Variants in HERC1 observed in about 807,000 individuals in gnomAD.
HERC1 encodes probable E3 ubiquitin-protein ligase HERC1.
A neutral mutation model predicts 554.3 loss-of-function variants in HERC1; 160 were observed. The ratio of observed to expected loss-of-function variants is 0.29; its 90% confidence interval spans 0.25 to 0.33. HERC1 has a LOEUF of 0.33. Ranked by LOEUF, HERC1 falls within the 10% of genes least tolerant of loss-of-function variation. The probability of loss-of-function intolerance (pLI) is 1.00; values close to 1 mark genes in which losing one functional copy is unlikely to be tolerated. For missense variants in HERC1, 4,919 were observed against 5,918.5 expected (o/e 0.83, Z 5.54); for synonymous variants, 2,175 against 2,131.7 (o/e 1.02, Z -0.56).
intron 19 of HERC1, among the ~76,000 whole-genome samples, chr15:63,721,877 T>C (rs2073837045): frequency 5.3e-5 from 8 of 152,248 alleles, no homozygotes; most frequent in Admixed American, 5.2e-4. Context: ...TGCTTGTTTT[T>C]TGAGGCAGAG....
chr15:63,806,193 T>A (rs1159552411), intron 1 of HERC1, among the ~76,000 whole-genome samples: 1 of 151,278 alleles, frequency 6.6e-6, no homozygotes, highest in Non-Finnish European at 1.5e-5. Flanking sequence ...TGAGATAGGG[T>A]CTTGCTCTGT....
At chr15:63,689,318 C>G (rs971046388) in intron 33 of HERC1, among the ~76,000 whole-genome samples, 8 of 152,098 alleles carry the variant, frequency 5.3e-5, no homozygotes, top group African/African-American at 1.9e-4. Flanking sequence ...CTGAAACATG[C>G]AGATTACTCT....
chr15:63,730,392 G>A (rs1240682630), intron 14 of HERC1, among the ~76,000 whole-genome samples: 6 of 152,100 alleles, frequency 3.9e-5, no homozygotes, highest in African/African-American at 1.2e-4. Context: ...CCAGGAGTTC[G>A]AAGCTGTAGT....
At chr15:63,625,729 A>G (rs1253420567) in intron 71 of HERC1, among the ~76,000 whole-genome samples, 2 of 151,548 alleles carry the variant, frequency 1.3e-5, no homozygotes, top group African/African-American at 4.8e-5. Flanking sequence ...TGGTATGTGT[A>G]GTATGCGTAG....
At position 63,680,613 on chromosome 15, in the gene HERC1, C is replaced by T. The variant is rs370131844; in HGVS notation, c.6389G>A (p.Ser2130Asn). Residue 2130 changes from serine (S) to asparagine (N), a missense_variant, in exon 35 of 78, where the codon AGC becomes AAC. Coordinates refer to ENST00000443617, the MANE Select transcript of HERC1 (RefSeq NM_003922.4). This position sits in a 1 kb window ranked among gnomAD's most constrained non-coding sequence, Gnocchi z 5.8. ...HNGEQTLTLS[S>N]FTQGDFITCV... ...GGTAATGAAATCTCCTTGAGTAAAG[C>T]TGGACAATGTGAGAGTCTGTTCTCC... 1 of 1,613,746 alleles carries T rather than the reference C, an allele frequency of 6.2e-7. No homozygotes were observed. The highest frequency in any genetic ancestry group is 8.5e-7 in the Non-Finnish European group (1 of 1,179,728).
At position 63,655,936 on chromosome 15, in the gene HERC1, G is replaced by C. The variant is rs1188070139; in HGVS notation, c.9890C>G (p.Thr3297Arg). Residue 3297 changes from threonine (T) to arginine (R), a missense_variant, in exon 50 of 78, where the codon ACA becomes AGA. Coordinates refer to ENST00000443617, the MANE Select transcript of HERC1 (RefSeq NM_003922.4). ...ATCAACTGTGGTTAGATTTACACCT[G>C]TTGCAGCAGAAATCAAGTTCTGAAG... Reference protein sequence around the residue: ...LCTQNLISAATGVNLTTVDDS... With the variant: ...LCTQNLISAARGVNLTTVDDS... 2 of 1,612,252 alleles carry C rather than the reference G, an allele frequency of 1.2e-6. No individual in the cohort carries two copies. The highest frequency in any genetic ancestry group is 1.7e-6 in the Non-Finnish European group (2 of 1,179,084).
At position 63,672,610 on chromosome 15, in the gene HERC1, G is replaced by T; in HGVS notation, c.7931C>A (p.Thr2644Asn). 6.2e-7 allele frequency: 1 copy of T among 1,612,794 alleles called. No individual in the cohort carries two copies. The highest frequency in any genetic ancestry group is 8.5e-7 in the Non-Finnish European group (1 of 1,179,394). Residue 2644 changes from threonine to asparagine, a missense_variant, in exon 39 of 78, where the codon ACC (threonine) becomes AAC (asparagine). By Grantham distance (65) the Thr-to-Asn change is moderately conservative. Coordinates refer to ENST00000443617, the MANE Select transcript of HERC1 (RefSeq NM_003922.4). ...VTTSPSASST[T>N]SFMSSSLEDT... ...CTCCAGAGAGCTGCTCATAAAGGAG[G>T]TCGTGCTTGAGGCTGATGGGCTAGT...
Position 63,677,430 on chromosome 15 carries a change from C to T in HERC1, c.7070+415G>A, listed in dbSNP as rs926743310. 4.6e-5 allele frequency among the ~76,000 whole-genome samples: 7 copies of T among 152,298 alleles called. No individual in the cohort carries two copies. In the South Asian group the frequency reaches 1.0e-3, roughly 23 times the overall value. On this transcript the variant is annotated intron_variant, in intron 37 of 77. Transcript: ENST00000443617. The surrounding 1 kb of genome is among the most constrained non-coding windows in gnomAD (Gnocchi z 4.4). The stretch of plus-strand genomic sequence containing the variant: ...CAAAGCCTAATTTCAGTCCGTCAAA[C>T]GTTCATATCCAATATTCAGAGCCTT...
Position 63,721,141 on chromosome 15 carries a change from A to C in HERC1, c.3742+2041T>G, listed in dbSNP as rs115983877. Among the ~76,000 whole-genome samples the C allele has an allele frequency of 4.7e-3, 716 of 152,338 alleles. 10 individuals are homozygous for C. Among genetic ancestry groups the C allele is most frequent in the African/African-American group, 0.017 (688 of 41,560 alleles). On this transcript the variant is annotated intron_variant, in intron 19 of 77. Transcript: ENST00000443617. Reference sequence around the variant, plus strand: ...TTACAAATATGAAATATCAGAAAATACATCTTAGAAAGTAAACTTTTTTCC... The same window carrying C: ...TTACAAATATGAAATATCAGAAAATCCATCTTAGAAAGTAAACTTTTTTCC...
chr15:63,814,848 G>A (rs767449877), intron 1 of HERC1, among the ~76,000 whole-genome samples: 10 of 152,164 alleles, frequency 6.6e-5, no homozygotes, highest in Non-Finnish European at 8.8e-5. Flanking sequence ...ACCTGTCTAC[G>A]TCTCAAAATT....
chr15:63,696,403 C>G (rs2072414945), intron 26 of HERC1, 64 bp from the exon 27 acceptor site: 2 of 1,120,412 alleles, frequency 1.8e-6, no homozygotes, highest in African/African-American at 3.1e-5. Flanking sequence ...ACTCTGTATG[C>G]CAAAAACAGT....
intron 2 of HERC1, among the ~76,000 whole-genome samples, chr15:63,772,684 G>A (rs2075989818): frequency 1.3e-5 from 2 of 151,998 alleles, no homozygotes; most frequent in African/African-American, 2.4e-5. Flanking sequence ...AGGCCTACAC[G>A]CCTCCCACAG....
At chr15:63,658,158 C>T (rs907814886) in intron 48 of HERC1, among the ~76,000 whole-genome samples, 2 of 152,146 alleles carry the variant, frequency 1.3e-5, no homozygotes, top group Non-Finnish European at 2.9e-5. Flanking sequence ...TTTTACATTA[C>T]ACTCCACAGT....
In HERC1 at chr15:63,723,350, A is replaced by G. The variant is rs376280658; in HGVS notation, c.3574T>C (p.Cys1192Arg). ...VEMDTPQLDK[C>R]MSCLLEVALS... ...GCTACTTCTAACAGGCAACTCATAC[A>G]TTTATCTAAAAAAAATACTCACGTT... Residue 1192 changes from cysteine (C) to arginine (R), a missense_variant, in exon 19 of 78, where the codon TGT becomes CGT. Physicochemically the swap from Cys to Arg is radical, Grantham distance 180 (BLOSUM62 -3). Coordinates refer to ENST00000443617, the MANE Select transcript of HERC1 (RefSeq NM_003922.4). 4.1e-5 allele frequency: 64 copies of G among 1,548,118 alleles called. No homozygotes were observed. In the South Asian group the frequency reaches 4.5e-4, roughly 11 times the overall value.
chr15:63,665,964 A>AT lies in HERC1; in HGVS notation c.8509dup (p.Ile2837AsnfsTer5). ...CATTTCAGCAGCATCAGCTGATGGT[A>AT]TGTCTCCAGGTGACTGCAAATAACA... On this transcript the variant is annotated frameshift_variant, in exon 42 of 78. Transcript: ENST00000443617. LOFTEE classifies it high-confidence loss of function. The AT allele has an allele frequency of 6.2e-7, 1 of 1,613,996 alleles. No homozygotes were observed. The highest frequency in any genetic ancestry group is 8.5e-7 in the Non-Finnish European group (1 of 1,179,862).
chr15:63,728,790 A>G (rs2074143583), intron 16 of HERC1, among the ~76,000 whole-genome samples: 1 of 152,114 alleles, frequency 6.6e-6, no homozygotes, highest in African/African-American at 2.4e-5. Context: ...AAGGAAGAGG[A>G]GCCTATAGGA....
intron 12 of HERC1, among the ~76,000 whole-genome samples, chr15:63,739,489 A>G (rs1459875505): frequency 6.6e-6 from 1 of 151,622 alleles, no homozygotes; most frequent in Admixed American, 6.6e-5. Context: ...GAGCCACTGC[A>G]CCCAGCCCAC....
chr15:63,751,908 C>T (rs2141878302), intron 8 of HERC1, among the ~76,000 whole-genome samples: 1 of 152,012 alleles, frequency 6.6e-6, no homozygotes, highest in South Asian at 2.1e-4. Context: ...TAGAAACTCT[C>T]AATTCTAATG....
Position 63,734,739 on chromosome 15 carries a change from G to A in HERC1, c.2631C>T (p.Ser877=), listed in dbSNP as rs2074428975. The change falls in exon 13 of 78, where the codon AGC becomes AGT. Residue 877 remains serine, a synonymous_variant. Transcript: ENST00000443617. This position sits in a 1 kb window ranked among gnomAD's most constrained non-coding sequence, Gnocchi z 4.6. ...AAAGGCCTACCTGTCCTTTAGATAAGCTTTCCCATCTATCAGGTCCTTGAG... is the reference window on the plus strand; with the variant it reads ...AAAGGCCTACCTGTCCTTTAGATAAACTTTCCCATCTATCAGGTCCTTGAG... ...LLPQGPDRWE[S]LSKGQRMQLD... 6.4e-7 allele frequency: 1 copy of A among 1,571,138 alleles called. No individual in the cohort carries two copies. The highest frequency in any genetic ancestry group is 8.6e-7 in the Non-Finnish European group (1 of 1,164,348).
Sources: allele counts gnomAD v4.1 joint callset (sites outside exome capture counted in the v4.1 genomes callset), GRCh38; gene constraint gnomAD v4.1.1; non-coding constraint Gnocchi (gnomAD v3.1); transcripts MANE v1.5; gene names NCBI Gene and HGNC (gene_info 2026-07-23, HGNC 2026-07-21).